The following BCAS1 variants were observed in gnomAD, a reference collection of about 807,000 sequenced individuals.
BCAS1 encodes the protein breast carcinoma-amplified sequence 1.
In BCAS1, 46 loss-of-function variants were observed where a neutral mutation model predicts 65.4. The ratio of observed to expected loss-of-function variants is 0.70; its 90% CI spans 0.55 to 0.90. The LOEUF is 0.90. BCAS1 is among the 40% of genes least tolerant of loss of function. The pLI is 0.00. For synonymous variants in BCAS1, 298 were observed against 293.5 expected (o/e 1.02, Z -0.16); for missense variants, 793 against 771.2 (o/e 1.03, Z -0.33).
chr20:54,011,039 A>G (rs1488998987), intron 4 of BCAS1, among the ~76,000 whole-genome samples: 1 of 152,220 alleles, frequency 6.6e-6, no homozygotes, highest in Non-Finnish European at 1.5e-5. Flanking sequence ...AGGAAAAGAA[A>G]GAACCTCAAT....
At chr20:53,983,159 T>C (rs1254910022) in intron 8 of BCAS1, among the ~76,000 whole-genome samples, 1 of 152,158 alleles carries the variant, frequency 6.6e-6, no homozygotes, top group Non-Finnish European at 1.5e-5. Context: ...TCTTGTAGAT[T>C]CCAAACATTA....
chr20:54,062,260 A>G (rs1270772774), intron 1 of BCAS1, among the ~76,000 whole-genome samples: 1 of 152,234 alleles, frequency 6.6e-6, no homozygotes, highest in Non-Finnish European at 1.5e-5. Context: ...ATGATAGAGT[A>G]ATAACAATAA....
intron 12 of BCAS1, among the ~76,000 whole-genome samples, chr20:53,950,440 C>T (rs1056285755): frequency 2.6e-5 from 1 of 38,932 alleles, no homozygotes; most frequent in African/African-American, 9.8e-5. Flanking sequence ...GCACACCCCG[C>T]CCCCAGACAC....
At chr20:53,976,443 G>A (rs755756373) in intron 8 of BCAS1, among the ~76,000 whole-genome samples, 11 of 151,570 alleles carry the variant, frequency 7.3e-5, no homozygotes, top group Non-Finnish European at 1.5e-4. Flanking sequence ...TTCCTTTAAG[G>A]CATCCAGGGG....
chr20:53,989,489 A>G (rs1859477388), intron 7 of BCAS1, among the ~76,000 whole-genome samples: 1 of 152,180 alleles, frequency 6.6e-6, no homozygotes. Flanking sequence ...CTGGCACAAA[A>G]TAGACAATCA....
chr20:54,057,605 A>T (rs554180343), intron 3 of BCAS1, among the ~76,000 whole-genome samples: 1 of 152,234 alleles, frequency 6.6e-6, no homozygotes, highest in African/African-American at 2.4e-5. Flanking sequence ...ATTGCCCCCA[A>T]AGATGCTGAA....
At chr20:54,026,461 G>A (rs552635025) in intron 4 of BCAS1, among the ~76,000 whole-genome samples, 443 of 152,340 alleles carry the variant, frequency 2.9e-3, no homozygotes, top group African/African-American at 9.8e-3. Flanking sequence ...GCTATTCTAT[G>A]CTGAACTGGT....
intron 9 of BCAS1, among the ~76,000 whole-genome samples, chr20:53,968,132 T>A (rs1302462777): frequency 2.0e-5 from 3 of 152,260 alleles, no homozygotes; most frequent in African/African-American, 7.2e-5. Flanking sequence ...TAGCTGAGAC[T>A]ATCAGCACAC....
intron 6 of BCAS1, among the ~76,000 whole-genome samples, chr20:53,993,318 G>A (rs2090812922): frequency 6.7e-6 from 1 of 149,460 alleles, no homozygotes; most frequent in Non-Finnish European, 1.5e-5. Flanking sequence ...GTGTAGGGAA[G>A]GTAGTGGGCT....
At chr20:53,998,343 C>A (rs6022910) in intron 4 of BCAS1, among the ~76,000 whole-genome samples, 18,864 of 152,226 alleles carry the variant, frequency 0.12, 2,523 homozygotes, top group African/African-American at 0.34. Flanking sequence ...AAAGAGGTTT[C>A]ATTGGCTCAC....
Position 54,058,736 on chromosome 20 carries a change from G to A in BCAS1, c.-5-13C>T. 1 of 1,607,930 alleles carries A rather than the reference G, an allele frequency of 6.2e-7. No individual in the cohort carries two copies. The highest frequency in any genetic ancestry group is 8.5e-7 in the Non-Finnish European group (1 of 1,178,666). On this transcript the variant is annotated splice_polypyrimidine_tract_variant and intron_variant, in intron 1 of 12. Coordinates refer to ENST00000688948, the MANE Select transcript of BCAS1 (RefSeq NM_001366298.2). ...TTACCCATTGCTCCTATAATGGAGA[G>A]AAAGAGAGGAAGAGAGAAAGAAATC... is the stretch of plus-strand genomic sequence containing the variant.
chr20:53,972,717 C>T (rs760136555), intron 9 of BCAS1, among the ~76,000 whole-genome samples: 1 of 152,100 alleles, frequency 6.6e-6, no homozygotes, highest in African/African-American at 2.4e-5. Context: ...GTTTGCTGAT[C>T]CCTAAAATTA....
At chr20:54,022,338 C>G (rs158541) in intron 4 of BCAS1, among the ~76,000 whole-genome samples, 3 of 151,914 alleles carry the variant, frequency 2.0e-5, no homozygotes, top group African/African-American at 7.3e-5. Flanking sequence ...TGATATATTA[C>G]CAACCCCTAA....
intron 1 of BCAS1, among the ~76,000 whole-genome samples, chr20:54,059,201 C>T (rs1289285169): frequency 6.6e-6 from 1 of 152,116 alleles, no homozygotes; most frequent in African/African-American, 2.4e-5. Flanking sequence ...AGAGACACAA[C>T]CAAACTATAT....
intron 4 of BCAS1, among the ~76,000 whole-genome samples, chr20:53,999,561 T>G (rs1412134308): frequency 6.6e-6 from 1 of 152,106 alleles, no homozygotes; most frequent in Non-Finnish European, 1.5e-5. Context: ...CCTGCCCGTT[T>G]TTTTTTGTTT....
intron 10 of BCAS1, among the ~76,000 whole-genome samples, chr20:53,960,627 G>A (rs1316543104): frequency 6.6e-6 from 1 of 152,114 alleles, no homozygotes; most frequent in African/African-American, 2.4e-5. Context: ...TCCATCTGAA[G>A]TCACTTCTGT....
intron 6 of BCAS1, 116 bp downstream of exon 6, chr20:53,994,896 C>CACACACACACAT: frequency 2.2e-6 from 1 of 450,436 alleles, no homozygotes; most frequent in East Asian, 2.9e-5. Context: ...GATACACACA[C>CACACACACACAT]ACACACACAC....
At chr20:53,975,138 A>C (rs1480614652) in intron 9 of BCAS1, among the ~76,000 whole-genome samples, 1 of 152,226 alleles carries the variant, frequency 6.6e-6, no homozygotes, top group African/African-American at 2.4e-5. Context: ...TTCAGCCCCT[A>C]CTGATAACAA....
chr20:54,039,832 T>C (rs1314011039), intron 3 of BCAS1, among the ~76,000 whole-genome samples: 2 of 151,414 alleles, frequency 1.3e-5, no homozygotes, highest in Admixed American at 1.3e-4. Flanking sequence ...ATGTGGCATA[T>C]TGAACTTTGT....
Sources: gnomAD v4.1 joint callset for allele counts (sites outside exome capture counted in the v4.1 genomes callset) on GRCh38, gnomAD v4.1.1 for gene constraint, MANE v1.5 for transcripts, NCBI Gene and HGNC (gene_info 2026-07-23, HGNC 2026-07-21) for gene names.